Variants in NT5DC1 observed in about 807,000 individuals in gnomAD.
The protein encoded by NT5DC1 is 5'-nucleotidase domain containing 1.
NT5DC1 carries 42 observed loss-of-function variants against 59.4 expected under a neutral mutation model. The ratio of observed to expected loss-of-function variants is 0.71; its 90% confidence interval spans 0.55 to 0.92. The LOEUF (loss-of-function observed/expected upper bound fraction) is 0.92, where lower values mean the gene tolerates loss of function less well. Ranked by LOEUF, NT5DC1 falls within the 40% of genes least tolerant of loss-of-function variation. The pLI, the probability that NT5DC1 is intolerant of heterozygous loss-of-function variation, is 0.00. For missense variants in NT5DC1, 501 were observed against 537.1 expected (o/e 0.93, Z 0.66); for synonymous variants, 172 against 188.1 (o/e 0.91, Z 0.70).
chr6:116,160,822 C>A (rs574273676), intron 6 of NT5DC1, among the ~76,000 whole-genome samples: 2 of 151,990 alleles, frequency 1.3e-5, no homozygotes, highest in African/African-American at 2.4e-5. Context: ...TAGGGGTCCA[C>A]CAGCCATCCC....
chr6:116,209,966 G>A (rs965329878), intron 6 of NT5DC1, among the ~76,000 whole-genome samples: 1 of 152,014 alleles, frequency 6.6e-6, no homozygotes, highest in South Asian at 2.1e-4. Context: ...ATGAGGTTTA[G>A]TGGATTAGGA....
Position 116,115,705 on chromosome 6 carries a change from T to C in NT5DC1, c.379T>C (p.Tyr127His), listed in dbSNP as rs1778951144. 6.3e-7 allele frequency: 1 copy of C among 1,594,790 alleles called. No homozygotes were observed. Among genetic ancestry groups the C allele is most frequent in the East Asian group, 2.2e-5 (1 of 44,706 alleles). Residue 127 changes from tyrosine (Y) to histidine (H), a missense_variant, in exon 5 of 12, where the codon TAC (tyrosine) becomes CAC (histidine). Physicochemically the swap from Tyr to His is moderately conservative, Grantham distance 83. Transcript: ENST00000319550. ...TTCTTTTTTAGGAAAGTATTACTTT[T>C]ACGACAACTACTTTGACCTGCCAGG... ...MACRSGKYYF[Y>H]DNYFDLPGAL...
At chr6:116,154,763 A>G (rs1780141516) in intron 6 of NT5DC1, among the ~76,000 whole-genome samples, 1 of 152,240 alleles carries the variant, frequency 6.6e-6, no homozygotes, top group South Asian at 2.1e-4. Flanking sequence ...CAAACTAAAA[A>G]CAAAGCACCG....
At chr6:116,211,881 T>A (rs1386645879) in intron 6 of NT5DC1, among the ~76,000 whole-genome samples, 1 of 152,068 alleles carries the variant, frequency 6.6e-6, no homozygotes, top group Non-Finnish European at 1.5e-5. Context: ...CTACACCTGC[T>A]CTGATCCCCC....
intron 6 of NT5DC1, among the ~76,000 whole-genome samples, chr6:116,178,917 C>T (rs1430845489): frequency 2.6e-5 from 4 of 152,182 alleles, no homozygotes; most frequent in Non-Finnish European, 1.5e-5. Flanking sequence ...TTCCAGCCCT[C>T]TAATTTTTCT....
intron 8 of NT5DC1, among the ~76,000 whole-genome samples, chr6:116,231,523 G>C (rs1021446490): frequency 3.9e-5 from 6 of 152,192 alleles, no homozygotes; most frequent in African/African-American, 1.4e-4. Flanking sequence ...GAGATGTTTA[G>C]GGCAGAGACT....
chr6:116,146,315 GGCGTCAACCTGT>G (rs1163118225), intron 6 of NT5DC1, among the ~76,000 whole-genome samples: 1 of 152,088 alleles, frequency 6.6e-6, no homozygotes, highest in East Asian at 1.9e-4. Flanking sequence ...TTGAGTAGGT[GGCGTCAACCTGT>G]GATTTTTAGA....
intron 2 of NT5DC1, among the ~76,000 whole-genome samples, chr6:116,107,064 G>GT (rs1286798396): frequency 1.3e-5 from 2 of 151,634 alleles, no homozygotes; most frequent in African/African-American, 4.8e-5. Flanking sequence ...GAGGTGGCAC[G>GT]TGCTTGTATT....
chr6:116,107,203 C>T (rs1316231485), intron 2 of NT5DC1, among the ~76,000 whole-genome samples: 1 of 148,374 alleles, frequency 6.7e-6, no homozygotes. Flanking sequence ...CAATACTAAA[C>T]CACATGAAAA....
intron 6 of NT5DC1, among the ~76,000 whole-genome samples, chr6:116,204,737 TGTG>T (rs751671879): frequency 1.3e-4 from 19 of 151,986 alleles, no homozygotes; most frequent in Admixed American, 8.5e-4. Context: ...ATTGCAATGT[TGTG>T]GTTAAAAAGA....
intron 6 of NT5DC1, among the ~76,000 whole-genome samples, chr6:116,159,459 T>C (rs1780280101): frequency 6.6e-6 from 1 of 152,218 alleles, no homozygotes; most frequent in African/African-American, 2.4e-5. Flanking sequence ...AAGTATACCA[T>C]GCATTATAGA....
intron 6 of NT5DC1, among the ~76,000 whole-genome samples, chr6:116,206,773 C>T (rs1019646016): frequency 2.6e-5 from 4 of 151,892 alleles, no homozygotes; most frequent in Admixed American, 2.0e-4. Context: ...TTTTCTTTGC[C>T]ATAGTTTTTA....
intron 6 of NT5DC1, among the ~76,000 whole-genome samples, chr6:116,172,564 C>T (rs1320328297): frequency 6.6e-6 from 1 of 152,098 alleles, no homozygotes; most frequent in Non-Finnish European, 1.5e-5. Context: ...CCCTGATCCA[C>T]CCACTTCAGC....
chr6:116,102,646 CA>C (rs1304719517), intron 1 of NT5DC1, among the ~76,000 whole-genome samples: 1 of 152,166 alleles, frequency 6.6e-6, no homozygotes, highest in Non-Finnish European at 1.5e-5. Context: ...TTTTTTACTG[CA>C]AACCTGGAGA....
chr6:116,110,778 C>A, intron 3 of NT5DC1, 72 bp from the exon 4 acceptor site: 1 of 1,073,430 alleles, frequency 9.3e-7, no homozygotes, highest in Non-Finnish European at 1.5e-6. Context: ...CAGGGATCAA[C>A]AGTCACAATG....
chr6:116,120,295 C>G, intron 6 of NT5DC1: 1 of 1,614,188 alleles, frequency 6.2e-7, no homozygotes, highest in Non-Finnish European at 8.5e-7. Context: ...AAACATGAGT[C>G]CCTTTCACAT....
At chr6:116,147,306 G>T (rs1779922501) in intron 6 of NT5DC1, among the ~76,000 whole-genome samples, 1 of 152,012 alleles carries the variant, frequency 6.6e-6, no homozygotes, top group Non-Finnish European at 1.5e-5. Context: ...GCTGGGCGTG[G>T]TGGCATCTAC....
chr6:116,182,222 A>AGTGTGTGTGTGTGTGTGTGT (rs35883565), intron 6 of NT5DC1, among the ~76,000 whole-genome samples: 39 of 124,600 alleles, frequency 3.1e-4, no homozygotes, highest in African/African-American at 1.1e-3. Context: ...TTCCATGGAG[A>AGTGTGTGTGTGTGTGTGTGT]GTGTGTGTGT....
intron 11 of NT5DC1, among the ~76,000 whole-genome samples, chr6:116,243,376 C>T (rs1159441800): frequency 6.6e-6 from 1 of 152,028 alleles, no homozygotes; most frequent in African/African-American, 2.4e-5. Flanking sequence ...ATTAAACTCA[C>T]ATAGAGCTCG....
Sources: gnomAD v4.1 joint callset for allele counts (sites outside exome capture counted in the v4.1 genomes callset) on GRCh38, gnomAD v4.1.1 for gene constraint, MANE v1.5 for transcripts, NCBI Gene and HGNC (gene_info 2026-07-23, HGNC 2026-07-21) for gene names.